Variants in CTNNA2 observed in about 807,000 individuals in gnomAD.
CTNNA2 encodes catenin alpha-2.
CTNNA2 carries 42 observed loss-of-function variants against 101.0 expected under a neutral mutation model. That is an observed-to-expected ratio of 0.42 (90% CI 0.32 to 0.54). CTNNA2 has a LOEUF of 0.54. CTNNA2 is among the 20% of genes least tolerant of loss of function. The pLI is 0.14. For synonymous variants in CTNNA2, 450 were observed against 456.4 expected, an observed-to-expected ratio of 0.99 and a Z score of 0.18; for missense variants, 871 against 1,223.1, an observed-to-expected ratio of 0.71 and a Z score of 4.29.
chr2:79,461,055 TGGTCTCG>T (rs1670872201), intron 4 of CTNNA2, among the ~76,000 whole-genome samples: 1 of 152,156 alleles, frequency 6.6e-6, no homozygotes, highest in Non-Finnish European at 1.5e-5. Flanking sequence ...TTGGCCAGGC[TGGTCTCG>T]AACCCCTGAC....
At chr2:79,881,723 T>C (rs1446261520) in intron 6 of CTNNA2, among the ~76,000 whole-genome samples, 1 of 151,800 alleles carries the variant, frequency 6.6e-6, no homozygotes, top group Non-Finnish European at 1.5e-5. Context: ...ATGGGTCTCC[T>C]GAATACAGCA....
chr2:80,146,701 T>G (rs2148919564), intron 7 of CTNNA2, among the ~76,000 whole-genome samples: 1 of 129,554 alleles, frequency 7.7e-6, no homozygotes, highest in African/African-American at 2.7e-5. Flanking sequence ...AAGTAGGAAG[T>G]CCCCTCTGGT....
intron 4 of CTNNA2, among the ~76,000 whole-genome samples, chr2:79,380,192 G>T (rs1379984005): frequency 6.6e-6 from 1 of 151,866 alleles, no homozygotes; most frequent in Non-Finnish European, 1.5e-5. Flanking sequence ...TCAGAGTCTT[G>T]TTTAGAGAAA....
intron 18 of CTNNA2, among the ~76,000 whole-genome samples, chr2:80,639,483 T>C (rs1184939122): frequency 6.6e-6 from 1 of 150,710 alleles, no homozygotes; most frequent in Non-Finnish European, 1.5e-5. Context: ...ATGCTGGGAT[T>C]ATAGGCATGA....
chr2:79,442,161 G>A (rs1480471608), intron 4 of CTNNA2, among the ~76,000 whole-genome samples: 4 of 152,110 alleles, frequency 2.6e-5, no homozygotes, highest in Admixed American at 6.6e-5. Context: ...ATTTCTTAAT[G>A]TATTTTATTA....
Position 79,483,405 on chromosome 2 carries a change from T to A in CTNNA2, c.-134-21649T>A, listed in dbSNP as rs568329386. Among the ~76,000 whole-genome samples, 5 of 152,300 alleles carry A rather than the reference T, an allele frequency of 3.3e-5. No homozygotes were observed. The South Asian group carries it at 8.3e-4, about 25-fold the overall frequency. On this transcript the variant is annotated intron_variant, in intron 4 of 21. Transcript: ENST00000466387. ...AAAGGGGCACATCATTGCCAGCTCC[T>A]CTTCTTTAGGTTCTCTCAAGAGCTG...
chr2:80,450,601 T>C (rs906082599), intron 9 of CTNNA2, among the ~76,000 whole-genome samples: 12 of 152,192 alleles, frequency 7.9e-5, no homozygotes. Context: ...CTTGTGTTAG[T>C]GTCTCTTCTG....
chr2:79,973,944 G>GTTTA (rs1690661324), intron 7 of CTNNA2, among the ~76,000 whole-genome samples: 6 of 32,750 alleles, frequency 1.8e-4, no homozygotes, highest in Admixed American at 7.1e-4. Context: ...CTTTAGTTTT[G>GTTTA]TTTGTTTGTT....
chr2:79,863,499 G>A (rs1681794277), intron 4 of CTNNA2, among the ~76,000 whole-genome samples: 1 of 152,174 alleles, frequency 6.6e-6, no homozygotes, highest in Admixed American at 6.5e-5. Flanking sequence ...TTGGGGATAA[G>A]TGGAAAGAGT....
At chr2:80,606,647 C>T (rs1483842105) in intron 16 of CTNNA2, among the ~76,000 whole-genome samples, 3 of 151,744 alleles carry the variant, frequency 2.0e-5, no homozygotes, top group Non-Finnish European at 4.4e-5. Context: ...ATTCAACATG[C>T]CTTTTTAAAT....
chr2:79,486,403 C>T (rs1481427066), intron 4 of CTNNA2, among the ~76,000 whole-genome samples: 2 of 152,084 alleles, frequency 1.3e-5, no homozygotes, highest in Non-Finnish European at 2.9e-5. Flanking sequence ...AGGACATGAA[C>T]TTATCCTTTT....
At chr2:80,395,150 G>A (rs1246511065) in intron 8 of CTNNA2, among the ~76,000 whole-genome samples, 1 of 152,182 alleles carries the variant, frequency 6.6e-6, no homozygotes, top group Non-Finnish European at 1.5e-5. Context: ...ATTTGAAGGT[G>A]AAAAATTATG....
chr2:80,375,710 G>GC (rs1395843381), intron 7 of CTNNA2, among the ~76,000 whole-genome samples: 1 of 151,242 alleles, frequency 6.6e-6, no homozygotes, highest in Non-Finnish European at 1.5e-5. Context: ...GACTACAGGC[G>GC]CCCGCCACAA....
intron 7 of CTNNA2, among the ~76,000 whole-genome samples, chr2:79,982,393 AACATATATAACATATAAC>A (rs1558698207): frequency 2.8e-5 from 4 of 142,348 alleles, no homozygotes; most frequent in African/African-American, 8.4e-5. Context: ...TAACATATAT[AACATATATAACATATAAC>A]ACATATATAA....
chr2:79,983,699 G>A (rs1691555734), intron 7 of CTNNA2, among the ~76,000 whole-genome samples: 1 of 152,086 alleles, frequency 6.6e-6, no homozygotes, highest in African/African-American at 2.4e-5. Context: ...TGTCTCTCTT[G>A]TATTTCCTTA....
chr2:79,391,572 CT>C (rs2104472450), intron 4 of CTNNA2, among the ~76,000 whole-genome samples: 1 of 152,244 alleles, frequency 6.6e-6, no homozygotes, highest in East Asian at 1.9e-4. Flanking sequence ...GATGGCACCC[CT>C]AACCCCTGCA....
At chr2:79,286,977 A>G (rs991460394) in intron 2 of CTNNA2, among the ~76,000 whole-genome samples, 2 of 151,660 alleles carry the variant, frequency 1.3e-5, no homozygotes, top group African/African-American at 4.8e-5. Flanking sequence ...TTTTCTCTAA[A>G]CTTCCCTTCT....
At chr2:80,482,329 G>A (rs1466411152) in intron 9 of CTNNA2, among the ~76,000 whole-genome samples, 2 of 152,102 alleles carry the variant, frequency 1.3e-5, no homozygotes, top group African/African-American at 2.4e-5. Flanking sequence ...GACATGCGTG[G>A]TAATTACAGG....
At chr2:80,482,582 T>G (rs971605899) in intron 9 of CTNNA2, among the ~76,000 whole-genome samples, 6 of 152,138 alleles carry the variant, frequency 3.9e-5, no homozygotes. Flanking sequence ...CTAGCTTTAA[T>G]CCAAGGGCCA....
Sources: allele counts gnomAD v4.1 joint callset (sites outside exome capture counted in the v4.1 genomes callset), GRCh38; gene constraint gnomAD v4.1.1; transcripts MANE v1.5; gene names NCBI Gene and HGNC (gene_info 2026-07-23, HGNC 2026-07-21).